The following UVRAG variants were observed in gnomAD, a reference collection of about 807,000 sequenced individuals.
UVRAG encodes UV radiation resistance associated, also known as UV radiation resistance-associated gene protein.
Under a neutral mutation model 78.0 loss-of-function variants are expected in UVRAG, and 19 were observed. The ratio of observed to expected loss-of-function variants is 0.24; its 90% CI spans 0.17 to 0.36. The LOEUF (loss-of-function observed/expected upper bound fraction) is 0.36. Ranked by LOEUF, UVRAG falls within the 10% of genes least tolerant of loss-of-function variation. The pLI is 1.00. For missense variants in UVRAG, 740 were observed against 853.8 expected (o/e 0.87, Z 1.66); for synonymous variants, 323 against 324.6 (o/e 1.00, Z 0.05).
chr11:75,920,144 G>GC (rs1788374750), intron 6 of UVRAG, among the ~76,000 whole-genome samples: 1 of 143,952 alleles, frequency 6.9e-6, no homozygotes, highest in Non-Finnish European at 1.5e-5. Flanking sequence ...TTCTGCCTCA[G>GC]CCTCCCAAGT....
intron 11 of UVRAG, among the ~76,000 whole-genome samples, chr11:76,009,228 T>G (rs939564983): frequency 3.3e-5 from 5 of 152,176 alleles, no homozygotes; most frequent in African/African-American, 1.2e-4. Flanking sequence ...ATCTGTTCTG[T>G]TATTATTTAG....
intron 9 of UVRAG, among the ~76,000 whole-genome samples, chr11:76,004,935 A>C (rs967006150): frequency 6.6e-6 from 1 of 152,156 alleles, no homozygotes; most frequent in African/African-American, 2.4e-5. Context: ...ATTTTTTCCA[A>C]CATATGCTTA....
At chr11:75,894,430 T>A (rs527994052) in intron 5 of UVRAG, among the ~76,000 whole-genome samples, 101 of 151,812 alleles carry the variant, frequency 6.7e-4, no homozygotes, top group African/African-American at 2.3e-3. Flanking sequence ...TGAGAGTGGG[T>A]GTTCAAAGGG....
intron 5 of UVRAG, among the ~76,000 whole-genome samples, chr11:75,890,688 A>G (rs1225996461): frequency 6.6e-6 from 1 of 152,144 alleles, no homozygotes; most frequent in Non-Finnish European, 1.5e-5. Context: ...TAGGTTAGAA[A>G]TATTTATGTG....
At chr11:76,058,696 C>T (rs1227868599) in intron 12 of UVRAG, among the ~76,000 whole-genome samples, 2 of 152,130 alleles carry the variant, frequency 1.3e-5, no homozygotes, top group Non-Finnish European at 2.9e-5. Context: ...AATTAATGCA[C>T]TACCACCAGA....
chr11:75,837,296 C>T (rs994192109), intron 1 of UVRAG, among the ~76,000 whole-genome samples: 7 of 144,316 alleles, frequency 4.9e-5, no homozygotes, highest in African/African-American at 1.8e-4. Flanking sequence ...CACTGCACTC[C>T]GGCCTGGGCG....
At chr11:75,876,082 C>G (rs761625309) in intron 3 of UVRAG, among the ~76,000 whole-genome samples, 1 of 151,948 alleles carries the variant, frequency 6.6e-6, no homozygotes, top group Non-Finnish European at 1.5e-5. Flanking sequence ...CATGGCTTCA[C>G]GACAAAGACC....
chr11:76,063,937 T>C (rs1951139193), intron 12 of UVRAG, among the ~76,000 whole-genome samples: 1 of 152,240 alleles, frequency 6.6e-6, no homozygotes. Context: ...ATGATAGTTA[T>C]AAGCTATTAT....
At chr11:76,007,338 A>C (rs979979453) in intron 9 of UVRAG, among the ~76,000 whole-genome samples, 196 bp from the exon 10 acceptor site, 5 of 152,162 alleles carry the variant, frequency 3.3e-5, no homozygotes, top group African/African-American at 7.2e-5. Context: ...AGCACTCAGT[A>C]TATAGTTAGC....
At chr11:76,038,182 A>G (rs919625354) in intron 12 of UVRAG, among the ~76,000 whole-genome samples, 2 of 152,180 alleles carry the variant, frequency 1.3e-5, no homozygotes, top group South Asian at 2.1e-4. Flanking sequence ...AGACCAAGCT[A>G]TGCTGGAGTA....
intron 13 of UVRAG, among the ~76,000 whole-genome samples, chr11:76,111,440 A>G (rs896342390): frequency 1.3e-5 from 2 of 152,146 alleles, no homozygotes; most frequent in Admixed American, 6.5e-5. Context: ...CCCAATAACT[A>G]CGTTCCCACA....
chr11:76,021,078 C>T (rs1950238160), intron 12 of UVRAG, among the ~76,000 whole-genome samples: 2 of 152,152 alleles, frequency 1.3e-5, no homozygotes, highest in African/African-American at 4.8e-5. Flanking sequence ...TATCTCATGG[C>T]CGCTGCTGAA....
intron 12 of UVRAG, among the ~76,000 whole-genome samples, chr11:76,032,677 A>G (rs1950457725): frequency 6.6e-6 from 1 of 152,228 alleles, no homozygotes; most frequent in Non-Finnish European, 1.5e-5. Context: ...GCAGGTAGTC[A>G]GCAGAGGCAT....
In UVRAG at chr11:75,974,383, G is replaced by A. The variant is rs1349433103; in HGVS notation, c.700-9004G>A. ...TTTTTTTTTTTTTTTTTTTTGAGAC[G>A]GAGTCTCGCTCTGTCGCCCAGGCCG... On this transcript the variant is annotated intron_variant, in intron 7 of 14. Coordinates refer to ENST00000356136, the MANE Select transcript of UVRAG (RefSeq NM_003369.4). 1.4e-3 allele frequency among the ~76,000 whole-genome samples: 169 copies of A among 122,870 alleles called. 1 individual carries two copies. The highest frequency in any genetic ancestry group is 5.2e-3 in the African/African-American group (163 of 31,344). 80.6% of individuals were successfully genotyped at this position (122,870 alleles called of 152,430 possible).
chr11:76,125,180 C>T (rs1952361618), intron 14 of UVRAG, among the ~76,000 whole-genome samples: 1 of 152,176 alleles, frequency 6.6e-6, no homozygotes, highest in South Asian at 2.1e-4. Context: ...TTTGAAGTCT[C>T]AAGAGTCCTA....
chr11:76,093,767 A>C (rs530916195), intron 13 of UVRAG, among the ~76,000 whole-genome samples: 7 of 152,324 alleles, frequency 4.6e-5, no homozygotes, highest in African/African-American at 1.7e-4. Context: ...GGCTGAGACA[A>C]TGGGGTTTTC....
intron 14 of UVRAG, among the ~76,000 whole-genome samples, chr11:76,123,203 C>T (rs1189989840): frequency 6.6e-6 from 1 of 152,190 alleles, no homozygotes; most frequent in Non-Finnish European, 1.5e-5. Context: ...CTCAGGGAAA[C>T]CCACCAGAGT....
At chr11:75,955,957 AGTCCCCACCACTCTTTTGATTT>A (rs1948788965) in intron 6 of UVRAG, among the ~76,000 whole-genome samples, 1 of 152,192 alleles carries the variant, frequency 6.6e-6, no homozygotes, top group Non-Finnish European at 1.5e-5. Flanking sequence ...TCCCTATGTT[AGTCCCCACCACTCTTTTGATTT>A]GTCACCATAG....
At chr11:75,871,058 G>A (rs922461090) in intron 3 of UVRAG, among the ~76,000 whole-genome samples, 2 of 151,906 alleles carry the variant, frequency 1.3e-5, no homozygotes, top group African/African-American at 4.8e-5. Context: ...TAGTAGAGAT[G>A]GGGTTTCATC....
Sources: gnomAD v4.1 joint callset for allele counts (sites outside exome capture counted in the v4.1 genomes callset) on GRCh38, gnomAD v4.1.1 for gene constraint, MANE v1.5 for transcripts, NCBI Gene and HGNC (gene_info 2026-07-23, HGNC 2026-07-21) for gene names.